The following SETD5 variants were observed in gnomAD, a reference collection of about 807,000 sequenced individuals.
SETD5 encodes SET domain containing 5.
A neutral mutation model predicts 153.3 loss-of-function variants in SETD5; 44 were observed. The ratio of observed to expected loss-of-function variants is 0.29; its 90% CI spans 0.23 to 0.37. The LOEUF (loss-of-function observed/expected upper bound fraction) is 0.37. Among genes scored for constraint, SETD5 ranks in the 10% least tolerant of loss-of-function variants. The pLI is 1.00. For synonymous variants in SETD5, 716 were observed against 645.2 expected (o/e 1.11, Z -1.66); for missense variants, 1,544 against 1,768.0 (o/e 0.87, Z 2.27).
At chr3:9,421,588 A>G (rs143944477) in intron 1 of SETD5, among the ~76,000 whole-genome samples, 1 of 152,322 alleles carries the variant, frequency 6.6e-6, no homozygotes, top group African/African-American at 2.4e-5. Context: ...TCATTCTCAT[A>G]CAAGGTAAAG....
At chr3:9,435,232 A>G (rs2040415019) in intron 6 of SETD5, among the ~76,000 whole-genome samples, 1 of 145,742 alleles carries the variant, frequency 6.9e-6, no homozygotes, top group South Asian at 2.1e-4. Flanking sequence ...AACAAGAGCA[A>G]AACTCCCTCT....
chr3:9,468,848 G>C (rs1464806404), intron 18 of SETD5, among the ~76,000 whole-genome samples: 1 of 151,952 alleles, frequency 6.6e-6, no homozygotes, highest in Non-Finnish European at 1.5e-5. Context: ...TTTGCCGTTT[G>C]GGGGAGGGGG....
intron 17 of SETD5, among the ~76,000 whole-genome samples, chr3:9,460,109 G>C (rs1331290851): frequency 2.0e-5 from 3 of 151,940 alleles, no homozygotes; most frequent in African/African-American, 4.8e-5. Flanking sequence ...GGGTTAATGT[G>C]TTATCATGTA....
intron 7 of SETD5, among the ~76,000 whole-genome samples, chr3:9,439,605 C>G (rs1221079242): frequency 6.6e-6 from 1 of 152,154 alleles, no homozygotes; most frequent in Non-Finnish European, 1.5e-5. Flanking sequence ...TGGAGGAGAA[C>G]ATGTATTGGG....
intron 1 of SETD5, among the ~76,000 whole-genome samples, chr3:9,399,324 A>G (rs1055624627): frequency 8.5e-5 from 13 of 152,198 alleles, no homozygotes; most frequent in African/African-American, 3.1e-4. Context: ...TTTTTAGGTC[A>G]CAGAAAGTTC....
At chr3:9,466,163 C>G (rs1041637128) in intron 18 of SETD5, among the ~76,000 whole-genome samples, 1 of 151,794 alleles carries the variant, frequency 6.6e-6, no homozygotes. Flanking sequence ...TAGTGGGCGC[C>G]TGTAGTCCCA....
intron 1 of SETD5, among the ~76,000 whole-genome samples, chr3:9,413,649 G>GTGT (rs1302951459): frequency 2.1e-5 from 3 of 140,366 alleles, no homozygotes; most frequent in African/African-American, 5.4e-5. Flanking sequence ...GGGGAGGCGG[G>GTGT]GTGTGTGTGT....
At chr3:9,404,094 C>T (rs2035269251) in intron 1 of SETD5, among the ~76,000 whole-genome samples, 1 of 152,100 alleles carries the variant, frequency 6.6e-6, no homozygotes, top group South Asian at 2.1e-4. Flanking sequence ...TCCAAGAGCA[C>T]ATTTGTTGCT....
intron 2 of SETD5, chr3:9,426,269 T>C (rs2039230462): frequency 7.6e-6 from 1 of 131,118 alleles, no homozygotes. Context: ...AGGGACTCAC[T>C]TTGTTGCCCA....
intron 3 of SETD5, chr3:9,431,249 C>T (rs535084554): frequency 1.0e-6 from 1 of 985,382 alleles, no homozygotes; most frequent in South Asian, 4.7e-5. Context: ...AACAGAATTT[C>T]AGGCATTTTC....
At chr3:9,449,853 A>G (rs2125305937) in intron 16 of SETD5, among the ~76,000 whole-genome samples, 1 of 152,346 alleles carries the variant, frequency 6.6e-6, no homozygotes, top group Non-Finnish European at 1.5e-5. Context: ...CGCTCGTAGA[A>G]TTCCTAAAGA....
intron 1 of SETD5, among the ~76,000 whole-genome samples, chr3:9,423,883 A>G (rs1330389704): frequency 6.6e-6 from 1 of 152,192 alleles, no homozygotes. Flanking sequence ...GAAGGTAGAA[A>G]ATTAATTTAA....
chr3:9,420,348 C>G (rs1230764994), intron 1 of SETD5, among the ~76,000 whole-genome samples: 1 of 152,150 alleles, frequency 6.6e-6, no homozygotes, highest in Non-Finnish European at 1.5e-5. Flanking sequence ...ATAATACGCA[C>G]TAATTATGAA....
intron 17 of SETD5, among the ~76,000 whole-genome samples, chr3:9,454,643 A>C (rs909048643): frequency 1.3e-5 from 2 of 148,702 alleles, no homozygotes; most frequent in African/African-American, 2.4e-5. Flanking sequence ...AAAAAAAAAA[A>C]AAAAAAACAA....
chr3:9,475,375 T>A (rs1344598495), intron 22 of SETD5, 108 bp from the exon 23 acceptor site: 4 of 1,461,292 alleles, frequency 2.7e-6, no homozygotes, highest in Non-Finnish European at 3.7e-6. Flanking sequence ...CTAAAAAGAA[T>A]ACATGGTTAA....
intron 3 of SETD5, chr3:9,429,986 C>G: frequency 8.0e-7 from 1 of 1,254,586 alleles, no homozygotes; most frequent in East Asian, 6.2e-5. Flanking sequence ...CTGGAAAAAT[C>G]CTGGTGTTTT....
At chr3:9,468,515 C>G (rs2044901466) in intron 18 of SETD5, 2 of 1,304,150 alleles carry the variant, frequency 1.5e-6, no homozygotes, top group Non-Finnish European at 2.0e-6. Flanking sequence ...TTTCCCTCCT[C>G]TAGAACATAT....
In SETD5 at chr3:9,435,792, A is replaced by G. The variant is rs1314314950; in HGVS notation, c.453A>G (p.Thr151=). The G allele has an allele frequency of 6.2e-7, 1 of 1,603,668 alleles. No individual in the cohort carries two copies. Among genetic ancestry groups the G allele is most frequent in the Non-Finnish European group, 8.5e-7 (1 of 1,174,792 alleles). The change falls in exon 7 of 23, where the codon ACA becomes ACG. Residue 151 remains threonine, a synonymous_variant. Transcript: ENST00000402198. ...EELSPSTVLY[T]ATQHTPTSIT... ...TTTCTCCTTCCACTGTGTTGTATAC[A>G]GCAACACAGCACACACCTACAAGCA...
rs368108766 is a variant in SETD5 at position 9,397,857 on chromosome 3, C to G, written c.-297C>G. 4.1e-4 allele frequency: 60 copies of G among 146,698 alleles called. No homozygotes were observed. The East Asian group carries it at 8.2e-3, about 20-fold the overall frequency. 9.1% of individuals were successfully genotyped at this position (146,698 alleles called of 1,614,324 possible). A position where few individuals can be genotyped will look rare whatever the true frequency, so the allele number is the denominator to read the frequency against. On this transcript the variant is annotated 5_prime_UTR_variant, in exon 1 of 23. Coordinates refer to ENST00000402198, the MANE Select transcript of SETD5 (RefSeq NM_001080517.3). The stretch of plus-strand genomic sequence containing the variant: ...GCCCCCCACCCCCACCTCACGGGTA[C>G]GGGCCATTCCCGGCCAGGAAACGCC...
Sources: gnomAD v4.1 joint callset for allele counts (sites outside exome capture counted in the v4.1 genomes callset) on GRCh38, gnomAD v4.1.1 for gene constraint, MANE v1.5 for transcripts, NCBI Gene and HGNC (gene_info 2026-07-23, HGNC 2026-07-21) for gene names.